FLNC: variants seen among roughly 807,000 people sequenced by gnomAD.
FLNC encodes the protein filamin C.
FLNC carries 91 observed loss-of-function variants against 254.3 expected under a neutral mutation model. That is an observed-to-expected ratio of 0.36 (90% confidence interval 0.30 to 0.43). FLNC has a LOEUF of 0.43. Ranked by LOEUF, FLNC falls within the 20% of genes least tolerant of loss-of-function variation. FLNC has a pLI of 1.00. For missense variants in FLNC, 2,853 were observed against 3,802.6 expected (o/e 0.75, Z 6.57); for synonymous variants, 1,430 against 1,577.2 (o/e 0.91, Z 2.21).
intron 32 of FLNC, 152 bp from the exon 33 acceptor site, chr7:128,850,651 C>T (rs943642010): frequency 7.7e-7 from 1 of 1,305,182 alleles, no homozygotes; most frequent in African/African-American, 1.5e-5. Context: ...AGCCATCTGT[C>T]CCCAGTTCAG....
chr7:128,840,858 A>C lies in FLNC; in HGVS notation c.1701A>C (p.Pro567=). 6.2e-7 allele frequency: 1 copy of C among 1,613,974 alleles called. No individual in the cohort carries two copies. Among genetic ancestry groups the C allele is most frequent in the East Asian group, 2.2e-5 (1 of 44,880 alleles). The change falls in exon 11 of 48, where the codon CCA becomes CCC. Residue 567 remains proline (P), a synonymous_variant. Coordinates refer to ENST00000325888, the MANE Select transcript of FLNC (RefSeq NM_001458.5). ...PRSPFEVQVS[P]EAGVQKVRAW... is the part of the protein sequence containing the mutation. ...GCCCCTTTGAGGTACAGGTGAGCCC[A>C]GAGGCAGGAGTGCAAAAGGTCCGGG...
At position 128,857,287 on chromosome 7, in the gene FLNC, C is replaced by A. The variant is rs374072349; in HGVS notation, c.7731C>A (p.Tyr2577Ter). 2 of 1,613,832 alleles carry A rather than the reference C, an allele frequency of 1.2e-6. No homozygotes were observed. Among genetic ancestry groups the A allele is most frequent in the Non-Finnish European group, 8.5e-7 (1 of 1,179,894 alleles). The stretch of plus-strand genomic sequence containing the variant: ...GCAACTACCTCATTGCCATCAAGTA[C>A]GGTGGCCCCCAGCACATCGTGGGCA... ...APGNYLIAIK[Y>*]GGPQHIVGSP... The change falls in exon 46 of 48, where the codon TAC becomes TAA. Residue 2577 changes from tyrosine to a stop codon, truncating the protein, a stop_gained. Coordinates refer to ENST00000325888, the MANE Select transcript of FLNC (RefSeq NM_001458.5). LOFTEE classifies it high-confidence loss of function. The surrounding 1 kb of genome is among the most constrained non-coding windows in gnomAD (Gnocchi z 4.5).
intron 1 of FLNC, among the ~76,000 whole-genome samples, chr7:128,834,761 G>C (rs1354531520): frequency 6.6e-6 from 1 of 152,168 alleles, no homozygotes; most frequent in Non-Finnish European, 1.5e-5. Context: ...TCGTGACAGA[G>C]AGCAGATCAG....
rs772873520 is a variant in FLNC, at chr7:128,850,450, A to G, written c.5365A>G (p.Ile1789Val). Reference sequence around the variant, plus strand: ...CATGCTGAGGCCCTTCAACCTGGTCATCCCCTTCGCGGTGCAGAAAGGGGA... The same window carrying G: ...CATGCTGAGGCCCTTCAACCTGGTCGTCCCCTTCGCGGTGCAGAAAGGGGA... ...ESMLRPFNLV[I>V]PFAVQKGELT... The change falls in exon 32 of 48, where the codon ATC becomes GTC. Residue 1789 changes from isoleucine to valine, a missense_variant. Ile to Val is a conservative substitution (Grantham distance 29). Coordinates refer to ENST00000325888, the MANE Select transcript of FLNC (RefSeq NM_001458.5). 2 of 1,613,896 alleles carry G rather than the reference A, an allele frequency of 1.2e-6. No homozygotes were observed. The highest frequency in any genetic ancestry group is 3.3e-5 in the Admixed American group (2 of 60,024).
chr7:128,856,731 C>A lies in FLNC; in HGVS notation c.7385-14C>A. ...GGAAGGATGGAGGCTAAGCCACCAACCCTTTATCCACAGACAAGCACACCA... is the reference window on the plus strand; with the variant it reads ...GGAAGGATGGAGGCTAAGCCACCAAACCTTTATCCACAGACAAGCACACCA... On this transcript the variant is annotated splice_polypyrimidine_tract_variant and intron_variant, in intron 44 of 47. Transcript: ENST00000325888. This position sits in a 1 kb window ranked among gnomAD's most constrained non-coding sequence, Gnocchi z 5.9. 1 of 1,614,140 alleles carries A rather than the reference C, an allele frequency of 6.2e-7. No homozygotes were observed. Among genetic ancestry groups the A allele is most frequent in the Non-Finnish European group, 8.5e-7 (1 of 1,180,036 alleles).
chr7:128,844,387 G>A (rs1808468373), intron 20 of FLNC, 121 bp downstream of exon 20: 1 of 1,278,352 alleles, frequency 7.8e-7, no homozygotes, highest in Non-Finnish European at 1.1e-6. Flanking sequence ...CAAGGGTGTG[G>A]GGCTGAGGCC....
intron 24 of FLNC, among the ~76,000 whole-genome samples, chr7:128,847,421 T>G (rs774070043): frequency 1.1e-4 from 17 of 152,286 alleles, no homozygotes; most frequent in Non-Finnish European, 1.8e-4. Context: ...ATTTCATTTT[T>G]GAAAACATTT....
rs551986250 is a variant in FLNC at position 128,844,599 on chromosome 7, A to G, written c.3193-59A>G. ...GGAGGTGATGAGTTGGGTGGGGGCC[A>G]TGAAGGCTGGGATGAGGAGGCCAGG... On this transcript the variant is annotated intron_variant, in intron 20 of 47. Transcript: ENST00000325888. 6.0e-6 allele frequency: 9 copies of G among 1,493,676 alleles called. 1 individual carries two copies. The highest frequency in any genetic ancestry group is 1.7e-4 in the Middle Eastern group (1 of 5,866). The allele number at this position is 1,493,676 out of a possible 1,614,324, so 92.5% of individuals were successfully genotyped here. A position where few individuals can be genotyped will look rare whatever the true frequency, so the allele number is the denominator to read the frequency against.
rs1808047901 is a variant in FLNC, at chr7:128,835,211, A to G, written c.353-115A>G. ...GAGGGAGAGGGTCAGGTAGGCAGAG[A>G]CTAGAGGCCTGACCCCAGAGCTCTG... On this transcript the variant is annotated intron_variant, in intron 1 of 47. Coordinates refer to ENST00000325888, the MANE Select transcript of FLNC (RefSeq NM_001458.5). The surrounding 1 kb of genome is among the most constrained non-coding windows in gnomAD (Gnocchi z 5.3). The G allele has an allele frequency of 2.1e-6, 3 of 1,397,504 alleles. No homozygotes were observed. The highest frequency in any genetic ancestry group is 3.0e-6 in the Non-Finnish European group (3 of 995,302). The allele number at this position is 1,397,504 out of a possible 1,614,324, so 86.6% of individuals were successfully genotyped here.
rs1445676285 is a variant in FLNC at position 128,836,522 on chromosome 7, T to A, written c.602-638T>A. 6.6e-6 allele frequency among the ~76,000 whole-genome samples: 1 copy of A among 152,158 alleles called. No individual in the cohort carries two copies. The highest frequency in any genetic ancestry group is 6.5e-5 in the Admixed American group (1 of 15,288). ...GGCCTAAACCAAGCGCCCCTTCACC[T>A]GCACCGTTCATAGGAGTGATCTGGG... On this transcript the variant is annotated intron_variant, in intron 2 of 47. Transcript: ENST00000325888. The surrounding 1 kb of genome is among the most constrained non-coding windows in gnomAD (Gnocchi z 6.0).
chr7:128,837,014 G>A, intron 2 of FLNC, 146 bp from the exon 3 acceptor site: 1 of 659,686 alleles, frequency 1.5e-6, no homozygotes, highest in Admixed American at 2.3e-5. Flanking sequence ...AGCTGATGGG[G>A]TCAGCAGGAA....
rs775282450 is a variant in FLNC, at chr7:128,857,960, C to G, written c.7781-48C>G. On this transcript the variant is annotated intron_variant, in intron 46 of 47. Coordinates refer to ENST00000325888, the MANE Select transcript of FLNC (RefSeq NM_001458.5). This position sits in a 1 kb window ranked among gnomAD's most constrained non-coding sequence, Gnocchi z 4.5. ...CGAGGGTCCCCTGCCTGGGGAAGAA[C>G]AGGAAGCCCTTCTGACTAGGTTTGT... 61 of 1,373,466 alleles carry G rather than the reference C, an allele frequency of 4.4e-5. No homozygotes were observed. The highest frequency in any genetic ancestry group is 5.7e-5 in the Non-Finnish European group (56 of 980,462). The allele number at this position is 1,373,466 out of a possible 1,614,324, so 85.1% of individuals were successfully genotyped here. A position where few individuals can be genotyped will look rare whatever the true frequency, so the allele number is the denominator to read the frequency against.
rs757887021 is a variant in FLNC at position 128,838,390 on chromosome 7, G to A, written c.1171G>A (p.Val391Met). 1.9e-6 allele frequency: 3 copies of A among 1,613,668 alleles called. No homozygotes were observed. The highest frequency in any genetic ancestry group is 3.3e-5 in the Admixed American group (2 of 59,996). Residue 391 changes from valine (V) to methionine (M), a missense_variant, in exon 7 of 48, where the codon GTG (valine) becomes ATG (methionine). Physicochemically the swap from Val to Met is conservative, Grantham distance 21 (BLOSUM62 1). Coordinates refer to ENST00000325888, the MANE Select transcript of FLNC (RefSeq NM_001458.5). ...RGPGLEPVGN[V>M]ANKPTYFDIY... The stretch of plus-strand genomic sequence containing the variant: ...CCCTGGCCTGGAACCTGTGGGCAAT[G>A]TGGCCAACAAACCCACCTACTTTGA...
intron 9 of FLNC, 115 bp from the exon 10 acceptor site, chr7:128,840,433 A>T: frequency 7.1e-7 from 1 of 1,408,244 alleles, no homozygotes; most frequent in Non-Finnish European, 9.9e-7. Flanking sequence ...ACTGCTCACT[A>T]CAGCACTGCC....
At position 128,843,425 on chromosome 7, in the gene FLNC, C is replaced by T. The variant is rs1808424142; in HGVS notation, c.2659C>T (p.Pro887Ser). 2 of 1,614,098 alleles carry T rather than the reference C, an allele frequency of 1.2e-6. No homozygotes were observed. Among genetic ancestry groups the T allele is most frequent in the Non-Finnish European group, 8.5e-7 (1 of 1,180,034 alleles). ...GTCCTCAGGTGTGGAAGTCGGGAAG[C>T]CCACCCACTTCACGGTGCTGACCAA... is the stretch of plus-strand genomic sequence containing the variant. ...LNRTGVEVGK[P>S]THFTVLTKGA... Residue 887 changes from proline to serine, a missense_variant, in exon 18 of 48, where the codon CCC (proline) becomes TCC (serine). Physicochemically the swap from Pro to Ser is moderately conservative, Grantham distance 74. Around this residue, in one of 10 missense-constraint regions of FLNC, gnomAD observed 1,573 missense variants for 1,883.5 expected, o/e 0.84. Transcript: ENST00000325888.
At position 128,854,223 on chromosome 7, in the gene FLNC, A is replaced by ACCGCACACTGGGCCGG. The variant is rs1231127087; in HGVS notation, c.6727+11_6727+26dup. On this transcript the variant is annotated splice_region_variant and intron_variant, in intron 40 of 47. Transcript: ENST00000325888. ...ATCACCCGGCAGCAGGAGGGTGAGC[A>ACCGCACACTGGGCCGG]CCGCACACTGGGCCGGCCGGGTCCT... 1 of 1,605,930 alleles carries ACCGCACACTGGGCCGG rather than the reference A, an allele frequency of 6.2e-7. No individual in the cohort carries two copies. The highest frequency in any genetic ancestry group is 1.3e-5 in the African/African-American group (1 of 74,850).
Position 128,845,273 on chromosome 7 carries a change from G to T in FLNC, c.3790+18G>T. ...GCCACACGGTGAGTGGACAGGAGGA[G>T]CCAAGAAAGGTCAAGTGGCAGGTGC... On this transcript the variant is annotated intron_variant, in intron 21 of 47. Transcript: ENST00000325888. 1 of 1,597,804 alleles carries T rather than the reference G, an allele frequency of 6.3e-7. No homozygotes were observed. The highest frequency in any genetic ancestry group is 8.6e-7 in the Non-Finnish European group (1 of 1,167,376).
Position 128,848,958 on chromosome 7 carries a change from G to A in FLNC, c.4903G>A (p.Asp1635Asn). 6.2e-7 allele frequency: 1 copy of A among 1,612,420 alleles called. No homozygotes were observed. The highest frequency in any genetic ancestry group is 8.5e-7 in the Non-Finnish European group (1 of 1,179,196). ...PFRIHALPTG[D>N]ASKCLVTVSI... ...CCGCATCCATGCTCTGCCCACTGGG[G>A]ATGCCAGCAAGTGCCTCGTCACAGG... The change falls in exon 28 of 48, where the codon GAT becomes AAT. Residue 1635 changes from aspartate to asparagine, a missense_variant. Asp to Asn is a conservative substitution (Grantham distance 23). Transcript: ENST00000325888.
rs765967888 is a variant in FLNC, at chr7:128,857,222, C to G, written c.7666C>G (p.Pro2556Ala). Reference sequence around the variant, plus strand: ...GGTGCAGCTGGACTGTCGGGAGTGTCCTGAGGGCCATGTGGTCACTTATAC... The same window carrying G: ...GGTGCAGCTGGACTGTCGGGAGTGTGCTGAGGGCCATGTGGTCACTTATAC... ...SKVQLDCREC[P>A]EGHVVTYTPM... The change falls in exon 46 of 48, where the codon CCT (proline) becomes GCT (alanine). Residue 2556 changes from proline (P) to alanine (A), a missense_variant. Pro to Ala is a conservative substitution (Grantham distance 27). Coordinates refer to ENST00000325888, the MANE Select transcript of FLNC (RefSeq NM_001458.5). The surrounding 1 kb of genome is among the most constrained non-coding windows in gnomAD (Gnocchi z 4.5). The G allele has an allele frequency of 6.2e-7, 1 of 1,613,964 alleles. No homozygotes were observed. The highest frequency in any genetic ancestry group is 1.3e-5 in the African/African-American group (1 of 74,932).
Sources: gnomAD v4.1 joint callset for allele counts (sites outside exome capture counted in the v4.1 genomes callset) on GRCh38, gnomAD v4.1.1 for gene constraint, gnomAD v4.1.1 regional missense constraint, Gnocchi (gnomAD v3.1) non-coding constraint, MANE v1.5 for transcripts, NCBI Gene and HGNC (gene_info 2026-07-23, HGNC 2026-07-21) for gene names.